The following MAPKAPK3 variants were observed in gnomAD, a reference collection of about 807,000 sequenced individuals.
MAPKAPK3 encodes MAPK activated protein kinase 3.
MAPKAPK3 carries 35 observed loss-of-function variants against 49.2 expected under a neutral mutation model. The observed-to-expected ratio is 0.71, with a 90% CI of 0.54 to 0.94. The LOEUF (loss-of-function observed/expected upper bound fraction) is 0.94. Ranked by LOEUF, MAPKAPK3 falls within the 40% of genes least tolerant of loss-of-function variation. MAPKAPK3 has a pLI of 0.00. For synonymous variants in MAPKAPK3, 178 were observed against 188.7 expected (o/e 0.94, Z 0.46); for missense variants, 398 against 493.1 (o/e 0.81, Z 1.83).
chr3:50,621,041 C>G, intron 2 of MAPKAPK3, among the ~76,000 whole-genome samples: 2 of 152,342 alleles, frequency 1.3e-5, no homozygotes, highest in East Asian at 3.9e-4. Context: ...GTGAGTCACA[C>G]GGTTTGAAGT....
upstream of MAPKAPK3, chr3:50,614,007 T>C (rs1377474179): frequency 6.6e-6 from 1 of 152,268 alleles, no homozygotes; most frequent in East Asian, 1.9e-4. Context: ...CCTTTGAAAG[T>C]ATCTCCTACA....
chr3:50,639,922 T>C (rs1326162588), intron 2 of MAPKAPK3, among the ~76,000 whole-genome samples: 2 of 152,226 alleles, frequency 1.3e-5, no homozygotes, highest in Non-Finnish European at 2.9e-5. Flanking sequence ...CTGTACAATT[T>C]ACATGTACAA....
rs2033316933 is a variant in MAPKAPK3 at position 50,647,044 on chromosome 3, G to A, written c.916-79G>A. On this transcript the variant is annotated intron_variant, in intron 9 of 10. Transcript: ENST00000621469. Reference sequence around the variant, plus strand: ...TTGGTTTTTCCATCTGAGTCTGGGAGAAGAGGATGGAGTAGGGGGAACCAG... The same window carrying A: ...TTGGTTTTTCCATCTGAGTCTGGGAAAAGAGGATGGAGTAGGGGGAACCAG... 3.9e-6 allele frequency: 5 copies of A among 1,297,560 alleles called. No individual in the cohort carries two copies. In the South Asian group the frequency reaches 3.9e-5, roughly 10 times the overall value. The allele number at this position is 1,297,560 out of a possible 1,614,324, so 80.4% of individuals were successfully genotyped here.
Position 50,640,414 on chromosome 3 carries a change from C to G in MAPKAPK3, c.268C>G (p.Gln90Glu). 2 of 1,614,144 alleles carry G rather than the reference C, an allele frequency of 1.2e-6. No individual in the cohort carries two copies. The highest frequency in any genetic ancestry group is 1.7e-6 in the Non-Finnish European group (2 of 1,180,006). Residue 90 changes from glutamine to glutamate, a missense_variant, in exon 3 of 11, where the codon CAG (glutamine) becomes GAG (glutamate). By Grantham distance (29) the Gln-to-Glu change is conservative (BLOSUM62 2). This residue lies in a region of MAPKAPK3 where 123 missense variants were observed against 117.7 expected (regional missense o/e 1.04). Transcript: ENST00000621469. ...CCGGCAGGAGGTAGACCATCACTGGCAGGCTTCTGGCGGCCCCCATATTGT... is the reference window on the plus strand; with the variant it reads ...CCGGCAGGAGGTAGACCATCACTGGGAGGCTTCTGGCGGCCCCCATATTGT... ...KARQEVDHHW[Q>E]ASGGPHIVCI...
At chr3:50,623,806 G>A (rs2032668893) in intron 2 of MAPKAPK3, among the ~76,000 whole-genome samples, 1 of 152,204 alleles carries the variant, frequency 6.6e-6, no homozygotes, top group Admixed American at 6.5e-5. Context: ...GTGGGGACAC[G>A]GGAGGGTCTC....
intron 10 of MAPKAPK3, 63 bp from the exon 11 acceptor site, chr3:50,647,831 G>T (rs1053429968): frequency 4.7e-6 from 7 of 1,501,838 alleles, no homozygotes; most frequent in South Asian, 2.6e-5. Context: ...AGGCAGGGGG[G>T]TGATGGTTCC....
upstream of MAPKAPK3, among the ~76,000 whole-genome samples, chr3:50,614,978 A>C (rs184923818): frequency 7.0e-4 from 106 of 152,378 alleles, 1 homozygote; most frequent in Middle Eastern, 0.017. Context: ...TAAAAAATAC[A>C]ATTATAAAAT....
rs2033150698 is a variant in MAPKAPK3, at chr3:50,640,402, G to T, written c.256G>T (p.Asp86Tyr). Residue 86 changes from aspartate to tyrosine, a missense_variant, in exon 3 of 11, where the codon GAC becomes TAC. Asp to Tyr is a radical substitution (Grantham distance 160). Transcript: ENST00000621469. ...CAGCCCCAAGGCCCGGCAGGAGGTA[G>T]ACCATCACTGGCAGGCTTCTGGCGG... ...YDSPKARQEV[D>Y]HHWQASGGPH... is the part of the protein sequence containing the mutation. 2.5e-6 allele frequency: 4 copies of T among 1,614,046 alleles called. No individual in the cohort carries two copies. The highest frequency in any genetic ancestry group is 1.6e-4 in the Middle Eastern group (1 of 6,084).
chr3:50,633,562 A>T (rs1291318329), intron 2 of MAPKAPK3, among the ~76,000 whole-genome samples: 1 of 151,996 alleles, frequency 6.6e-6, no homozygotes, highest in African/African-American at 2.4e-5. Context: ...TGCTGCTCCA[A>T]CTTGGGGCCA....
At chr3:50,645,860 C>G in intron 7 of MAPKAPK3, 75 bp downstream of exon 7, 1 of 1,293,980 alleles carries the variant, frequency 7.7e-7, no homozygotes, top group South Asian at 1.2e-5. Context: ...CCACTTCTGT[C>G]CCCCCACCCC....
chr3:50,644,289 A>G, intron 5 of MAPKAPK3, 120 bp from the exon 6 acceptor site: 1 of 1,214,086 alleles, frequency 8.2e-7, no homozygotes, highest in South Asian at 1.5e-5. Flanking sequence ...GTCTTTTTAT[A>G]AATGGACCTG....
chr3:50,618,625 G>T (rs997665460), intron 2 of MAPKAPK3, among the ~76,000 whole-genome samples: 1 of 152,174 alleles, frequency 6.6e-6, no homozygotes, highest in Admixed American at 6.5e-5. Flanking sequence ...CAATGGATGG[G>T]TAGAGCATGG....
intron 2 of MAPKAPK3, among the ~76,000 whole-genome samples, chr3:50,629,602 T>G (rs1320465463): frequency 2.0e-5 from 3 of 151,692 alleles, no homozygotes; most frequent in African/African-American, 7.3e-5. Flanking sequence ...CACAGGGGAG[T>G]TGGGAATAGA....
Position 50,624,624 on chromosome 3 carries a change from C to T in MAPKAPK3, c.219+6840C>T, listed in dbSNP as rs142798839. ...ATTACAACAGAGGTCTGTTGTATCTCTTCTGAGCTTCACACCTGGGGAAGT... is the reference window on the plus strand; with the variant it reads ...ATTACAACAGAGGTCTGTTGTATCTTTTCTGAGCTTCACACCTGGGGAAGT... On this transcript the variant is annotated intron_variant, in intron 2 of 10. Transcript: ENST00000621469. 3.4e-4 allele frequency among the ~76,000 whole-genome samples: 52 copies of T among 152,268 alleles called. 4 individuals are homozygous for T. In the East Asian group the frequency reaches 9.6e-3, roughly 28 times the overall value.
At chr3:50,614,693 T>C (rs1384920058), upstream of MAPKAPK3, among the ~76,000 whole-genome samples, 1 of 152,192 alleles carries the variant, frequency 6.6e-6, no homozygotes, top group Non-Finnish European at 1.5e-5. Context: ...CCCATCATTG[T>C]GGAGGGGATG....
chr3:50,632,619 A>G (rs2032940166), intron 2 of MAPKAPK3, among the ~76,000 whole-genome samples: 1 of 152,252 alleles, frequency 6.6e-6, no homozygotes, highest in Non-Finnish European at 1.5e-5. Context: ...CACAAAATCC[A>G]GAGCTTCAGC....
chr3:50,620,123 C>T (rs1430646601), intron 2 of MAPKAPK3, among the ~76,000 whole-genome samples: 1 of 152,176 alleles, frequency 6.6e-6, no homozygotes, highest in Non-Finnish European at 1.5e-5. Context: ...TAAGCACAAC[C>T]TCTGGTACAG....
rs2107605372 is a variant in MAPKAPK3, at chr3:50,649,132, G to C, written c.*1086G>C. ...GCCCCACCCCACCATGGTAGCCTTA[G>C]GGTGCTGAGTGCCTGATACTGCCTG... On this transcript the variant is annotated 3_prime_UTR_variant, in exon 11 of 11. Transcript: ENST00000621469. The C allele has an allele frequency of 6.6e-6, 1 of 152,466 alleles. No homozygotes were observed. The highest frequency in any genetic ancestry group is 1.5e-5 in the Non-Finnish European group (1 of 68,132). 9.4% of individuals were successfully genotyped at this position (152,466 alleles called of 1,614,324 possible).
chr3:50,631,605 T>C (rs1309783765), intron 2 of MAPKAPK3, among the ~76,000 whole-genome samples: 5 of 152,246 alleles, frequency 3.3e-5, no homozygotes, highest in Admixed American at 6.5e-5. Context: ...TAAATTCTGC[T>C]ATTCCAGTGG....
Sources: allele counts gnomAD v4.1 joint callset (sites outside exome capture counted in the v4.1 genomes callset), GRCh38; gene constraint gnomAD v4.1.1; regional missense constraint gnomAD v4.1.1; transcripts MANE v1.5; gene names NCBI Gene and HGNC (gene_info 2026-07-23, HGNC 2026-07-21).